The following RAB1A variants were observed in gnomAD, a reference collection of about 807,000 sequenced individuals.
The protein encoded by RAB1A is RAB1A, member RAS oncogene family, also known as ras-related protein Rab-1A.
Under a neutral mutation model 26.0 loss-of-function variants are expected in RAB1A, and 2 were observed. That is an observed-to-expected ratio of 0.08 (90% CI 0.03 to 0.24). The LOEUF is 0.24. Among genes scored for constraint, RAB1A ranks in the 10% least tolerant of loss-of-function variants. The pLI is 1.00. For missense variants in RAB1A, 100 were observed against 247.0 expected (o/e 0.40, Z 3.99); for synonymous variants, 84 against 84.9 (o/e 0.99, Z 0.06).
intron 1 of RAB1A, among the ~76,000 whole-genome samples, chr2:65,129,046 T>C (rs1166612047): frequency 6.6e-6 from 1 of 152,008 alleles, no homozygotes; most frequent in African/African-American, 2.4e-5. Context: ...ATCCAAAACC[T>C]ACATACAGAT....
At chr2:65,116,878 T>C (rs143056733) in intron 1 of RAB1A, among the ~76,000 whole-genome samples, 38 of 152,358 alleles carry the variant, frequency 2.5e-4, no homozygotes, top group African/African-American at 8.7e-4. Context: ...AAGGCAGCCC[T>C]CTGCTTCATT....
At chr2:65,111,799 TGAG>T (rs1017564024) in intron 1 of RAB1A, among the ~76,000 whole-genome samples, 7 of 152,302 alleles carry the variant, frequency 4.6e-5, no homozygotes, top group Admixed American at 1.3e-4. Flanking sequence ...TAAAAAATTA[TGAG>T]GAGGCCAGGC....
intron 1 of RAB1A, among the ~76,000 whole-genome samples, chr2:65,105,223 G>C (rs550507965): frequency 5.3e-5 from 8 of 151,988 alleles, no homozygotes; most frequent in Non-Finnish European, 1.2e-4. Context: ...TCTAAGATCA[G>C]GCCAGGCGCA....
In RAB1A at chr2:65,088,288, A is replaced by C; in HGVS notation, c.*205T>G. ...TATAAACCAGCACACAAAGGTTTAA[A>C]ACAGTTCTGAAAATGAAGTTAGCTG... On this transcript the variant is annotated 3_prime_UTR_variant, in exon 6 of 6. Coordinates refer to ENST00000409784, the MANE Select transcript of RAB1A (RefSeq NM_004161.5). The C allele has an allele frequency of 1.9e-6, 1 of 513,820 alleles. No homozygotes were observed. The highest frequency in any genetic ancestry group is 3.2e-5 in the East Asian group (1 of 31,518). The allele number at this position is 513,820 out of a possible 1,614,324, so 31.8% of individuals were successfully genotyped here.
chr2:65,091,155 T>C, intron 3 of RAB1A, 77 bp from the exon 4 acceptor site: 1 of 1,122,862 alleles, frequency 8.9e-7, no homozygotes, highest in Non-Finnish European at 1.3e-6. Context: ...GGAGGGGAAA[T>C]AGTTTAGTTT....
chr2:65,096,192 A>G (rs7607025), intron 3 of RAB1A, among the ~76,000 whole-genome samples: 110,124 of 151,118 alleles, frequency 0.73, 40,354 homozygotes, highest in East Asian at 0.9. Context: ...GTACACACAT[A>G]TAATCCCAGC....
rs1669085784 is a variant in RAB1A, at chr2:65,088,373, G to A, written c.*120C>T. On this transcript the variant is annotated 3_prime_UTR_variant, in exon 6 of 6. Transcript: ENST00000409784. ...TGACCATTTACAATCTCTGACCTTT[G>A]TGGAGACGGTAAGAATCTGTTGTAG... is the stretch of plus-strand genomic sequence containing the variant. 1 of 814,576 alleles carries A rather than the reference G, an allele frequency of 1.2e-6. No homozygotes were observed. The highest frequency in any genetic ancestry group is 1.9e-6 in the Non-Finnish European group (1 of 538,938). 50.5% of individuals were successfully genotyped at this position (814,576 alleles called of 1,614,324 possible).
Position 65,104,782 on chromosome 2 carries a change from C to T in RAB1A, c.48G>A (p.Leu16=). ...PEYDYLFKLL[L]IGDSGVGKSC... is the part of the protein sequence containing the mutation. ...ACTTTCCAACCCCTGAGTCGCCAAT[C>T]AGAAGTAACTTGAATAAATAATCAC... Residue 16 remains leucine (L), a synonymous_variant, in exon 2 of 6, where the codon CTG becomes CTA. Transcript: ENST00000409784. 1 of 1,608,316 alleles carries T rather than the reference C, an allele frequency of 6.2e-7. No homozygotes were observed. The highest frequency in any genetic ancestry group is 8.5e-7 in the Non-Finnish European group (1 of 1,176,260).
intron 1 of RAB1A, 100 bp downstream of exon 1, chr2:65,129,793 C>A: frequency 6.5e-7 from 1 of 1,534,154 alleles, no homozygotes; most frequent in Non-Finnish European, 8.8e-7. Flanking sequence ...TCGCCTCACC[C>A]CAGCCGATGC....
intron 1 of RAB1A, among the ~76,000 whole-genome samples, chr2:65,115,640 A>G (rs1026444252): frequency 6.6e-6 from 1 of 152,312 alleles, no homozygotes; most frequent in East Asian, 1.9e-4. Flanking sequence ...ATAAATGATC[A>G]ATGTGACCAA....
chr2:65,116,376 G>A (rs1669827114), intron 1 of RAB1A, among the ~76,000 whole-genome samples: 1 of 151,972 alleles, frequency 6.6e-6, no homozygotes. Flanking sequence ...GTTTGGACCT[G>A]GAAGACCCGT....
chr2:65,108,910 T>A (rs1038137501), intron 1 of RAB1A, among the ~76,000 whole-genome samples: 1 of 152,180 alleles, frequency 6.6e-6, no homozygotes, highest in African/African-American at 2.4e-5. Flanking sequence ...TATAAGACAA[T>A]CTTTGCAAAA....
chr2:65,122,630 A>G (rs1669994327), intron 1 of RAB1A, among the ~76,000 whole-genome samples: 1 of 152,060 alleles, frequency 6.6e-6, no homozygotes, highest in South Asian at 2.1e-4. Flanking sequence ...GAAGCATCTT[A>G]TTTTACCCTA....
rs367982409 is a variant in RAB1A at position 65,090,725 on chromosome 2, G to T, written c.288+258C>A. Among the ~76,000 whole-genome samples the T allele has an allele frequency of 2.2e-3, 334 of 152,260 alleles. 5 individuals carry two copies. The highest frequency in any genetic ancestry group is 7.8e-3 in the African/African-American group (322 of 41,536). ...CTATATGTTAGAGTCTTGGCTATTT[G>T]ATCAAAGTTATTTAGTTGACAATAA... On this transcript the variant is annotated intron_variant, in intron 4 of 5. Coordinates refer to ENST00000409784, the MANE Select transcript of RAB1A (RefSeq NM_004161.5).
rs1333016718 is a variant in RAB1A, at chr2:65,129,952, G to A, written c.-37C>T. On this transcript the variant is annotated 5_prime_UTR_variant, in exon 1 of 6. Coordinates refer to ENST00000409784, the MANE Select transcript of RAB1A (RefSeq NM_004161.5). ...TGCCGCCGCCGCCACCGCCGCCCTT[G>A]CTGCCGCAGCCGCCGCCCTGACTCT... 9 of 1,575,896 alleles carry A rather than the reference G, an allele frequency of 5.7e-6. No individual in the cohort carries two copies. In the South Asian group the frequency reaches 5.8e-5, roughly 10 times the overall value.
rs1404053496 is a variant in RAB1A, at chr2:65,130,029, G to T, written c.-114C>A. ...GAATGAGATAGGCTGTTCCGGGAGA[G>T]CAAACGTCTTCCCCTACTCCGTCCC... On this transcript the variant is annotated 5_prime_UTR_variant, in exon 1 of 6. Transcript: ENST00000409784. 1.7e-6 allele frequency: 2 copies of T among 1,171,112 alleles called. No individual in the cohort carries two copies. The highest frequency in any genetic ancestry group is 1.9e-4 in the Middle Eastern group (1 of 5,276). 72.5% of individuals were successfully genotyped at this position (1,171,112 alleles called of 1,614,324 possible).
At chr2:65,091,701 T>G (rs572551534) in intron 3 of RAB1A, among the ~76,000 whole-genome samples, 1 of 152,250 alleles carries the variant, frequency 6.6e-6, no homozygotes, top group East Asian at 1.9e-4. Flanking sequence ...AATTTTTTCT[T>G]TTTTGTAGAG....
chr2:65,112,173 T>A (rs1669715462), intron 1 of RAB1A, among the ~76,000 whole-genome samples: 1 of 144,092 alleles, frequency 6.9e-6, no homozygotes. Flanking sequence ...TGAGACAGAG[T>A]CTTGCTCTGT....
At chr2:65,107,094 C>T (rs1371076178) in intron 1 of RAB1A, among the ~76,000 whole-genome samples, 3 of 150,612 alleles carry the variant, frequency 2.0e-5, no homozygotes, top group Non-Finnish European at 4.4e-5. Context: ...AGACAAGAGT[C>T]TCGCTCTGTT....
Sources: gnomAD v4.1 joint callset for allele counts (sites outside exome capture counted in the v4.1 genomes callset) on GRCh38, gnomAD v4.1.1 for gene constraint, MANE v1.5 for transcripts, NCBI Gene and HGNC (gene_info 2026-07-23, HGNC 2026-07-21) for gene names.